Variants in MAST4 observed in about 807,000 individuals in gnomAD.
MAST4 encodes the protein microtubule associated serine/threonine kinase family member 4.
A neutral mutation model predicts 162.7 loss-of-function variants in MAST4; 89 were observed. The ratio of observed to expected loss-of-function variants is 0.55; its 90% CI spans 0.46 to 0.65. The LOEUF (loss-of-function observed/expected upper bound fraction) is 0.65. Among genes scored for constraint, MAST4 ranks in the 30% least tolerant of loss-of-function variants. MAST4 has a pLI of 0.00. For missense variants in MAST4, 3,153 were observed against 3,374.0 expected, an observed-to-expected ratio of 0.93 and a Z score of 1.62; for synonymous variants, 1,479 against 1,361.1, an observed-to-expected ratio of 1.09 and a Z score of -1.91.
In MAST4 at chr5:66,711,680, C is replaced by G. The variant is rs141959749; in HGVS notation, c.364-48029C>G. 1.2e-3 allele frequency among the ~76,000 whole-genome samples: 188 copies of G among 152,208 alleles called. 1 individual carries two copies. The highest frequency in any genetic ancestry group is 4.4e-3 in the African/African-American group (184 of 41,536). The stretch of plus-strand genomic sequence containing the variant: ...TGAAACCCCATCTCCACTAAAAATA[C>G]AAGAATTAGCTGGGCATGGTGGTGG... On this transcript the variant is annotated intron_variant, in intron 1 of 28. Coordinates refer to ENST00000403625, the MANE Select transcript of MAST4 (RefSeq NM_001164664.2).
At position 66,596,936 on chromosome 5, in the gene MAST4, C is replaced by CGTT. The variant is rs1554033495; in HGVS notation, c.282_283insTTG (p.Leu95dup). 295 of 1,351,038 alleles carry CGTT rather than the reference C, an allele frequency of 2.2e-4. No homozygotes were observed. Among genetic ancestry groups the CGTT allele is most frequent in the Non-Finnish European group, 2.7e-4 (281 of 1,048,452 alleles). The allele number at this position is 1,351,038 out of a possible 1,614,324, so 83.7% of individuals were successfully genotyped here. On this transcript the variant is annotated inframe_insertion, in exon 1 of 29. Coordinates refer to ENST00000403625, the MANE Select transcript of MAST4 (RefSeq NM_001164664.2). The stretch of plus-strand genomic sequence containing the variant: ...GTGCTGCTGGAGCGCGGAGTCCTTG[C>CGTT]GCTGCCGCCGCCGCTTCCCGGAGGA...
chr5:66,770,786 C>G (rs899165417), intron 2 of MAST4, among the ~76,000 whole-genome samples: 1 of 152,182 alleles, frequency 6.6e-6, no homozygotes, highest in Non-Finnish European at 1.5e-5. Flanking sequence ...ATTGGCACTT[C>G]AGAAATCAGT....
chr5:66,696,564 C>A (rs1435909707), intron 1 of MAST4, among the ~76,000 whole-genome samples: 1 of 152,118 alleles, frequency 6.6e-6, no homozygotes, highest in African/African-American at 2.4e-5. Context: ...TCTGACCGCT[C>A]TGGTGCTCGG....
intron 4 of MAST4, among the ~76,000 whole-genome samples, chr5:66,937,287 C>G (rs981626680): frequency 1.8e-4 from 28 of 152,154 alleles, no homozygotes; most frequent in African/African-American, 6.3e-4. Context: ...TCCCTCTCAC[C>G]AGAAGGACTA....
At chr5:66,919,616 G>A (rs751583638) in intron 4 of MAST4, among the ~76,000 whole-genome samples, 3 of 141,880 alleles carry the variant, frequency 2.1e-5, no homozygotes, top group Non-Finnish European at 4.5e-5. Context: ...AGCTGAGATC[G>A]TCACTGCACT....
intron 21 of MAST4, among the ~76,000 whole-genome samples, chr5:67,144,362 T>A (rs1770780183): frequency 6.6e-6 from 1 of 152,078 alleles, no homozygotes; most frequent in Non-Finnish European, 1.5e-5. Flanking sequence ...GCCTAGAAAC[T>A]CCACTGCATC....
At chr5:66,752,236 C>T (rs1045907568) in intron 1 of MAST4, among the ~76,000 whole-genome samples, 1 of 152,138 alleles carries the variant, frequency 6.6e-6, no homozygotes, top group Non-Finnish European at 1.5e-5. Flanking sequence ...ACTGCATCAA[C>T]TAATGAGCAA....
chr5:67,158,983 G>A (rs560550213), intron 26 of MAST4, among the ~76,000 whole-genome samples: 2 of 152,322 alleles, frequency 1.3e-5, no homozygotes, highest in South Asian at 2.1e-4. Flanking sequence ...GCAGTGAGCC[G>A]AGATCGTGCC....
At chr5:66,774,269 C>T (rs10447108) in intron 2 of MAST4, among the ~76,000 whole-genome samples, 41,473 of 152,172 alleles carry the variant, frequency 0.27, 6,303 homozygotes, top group Non-Finnish European at 0.35. Flanking sequence ...CTGTTTCTGT[C>T]TTGGTCTTGG....
chr5:66,910,364 A>C (rs761248789), intron 4 of MAST4, among the ~76,000 whole-genome samples: 8 of 152,136 alleles, frequency 5.3e-5, no homozygotes. Flanking sequence ...GCAGTCCCCA[A>C]ATATATTCAT....
At chr5:67,030,200 A>G (rs577316739) in intron 4 of MAST4, among the ~76,000 whole-genome samples, 73 of 152,284 alleles carry the variant, frequency 4.8e-4, no homozygotes, top group Middle Eastern at 6.8e-3. Context: ...TTTATTTAAC[A>G]AATCATTTCT....
intron 1 of MAST4, among the ~76,000 whole-genome samples, chr5:66,663,408 T>G (rs1232944150): frequency 1.3e-5 from 2 of 152,128 alleles, no homozygotes; most frequent in African/African-American, 2.4e-5. Context: ...ATTTAAAAAA[T>G]CGATGTCAAA....
intron 3 of MAST4, among the ~76,000 whole-genome samples, chr5:66,791,829 G>A (rs1755424022): frequency 6.6e-6 from 1 of 152,034 alleles, no homozygotes. Context: ...AAAACTATTT[G>A]CCCCTCACCT....
chr5:67,164,613 G>A lies in MAST4; in HGVS notation c.5434G>A (p.Gly1812Arg), dbSNP rs768151485. ...EGTLDIALLSGPQASKTELPS... is the reference protein window; with the variant it reads ...EGTLDIALLSRPQASKTELPS... ...CACTCTGGACATTGCTCTCCTGTCC[G>A]GACCTCAGGCCTCCAAGACAGAACT... Residue 1812 changes from glycine to arginine, a missense_variant, in exon 29 of 29, where the codon GGA (glycine) becomes AGA (arginine). By Grantham distance (125) the Gly-to-Arg change is moderately radical. Coordinates refer to ENST00000403625, the MANE Select transcript of MAST4 (RefSeq NM_001164664.2). This position sits in a 1 kb window ranked among gnomAD's most constrained non-coding sequence, Gnocchi z 5.3. The A allele has an allele frequency of 6.8e-6, 11 of 1,613,966 alleles. No individual in the cohort carries two copies. Among genetic ancestry groups the A allele is most frequent in the East Asian group, 2.2e-5 (1 of 44,874 alleles).
intron 1 of MAST4, among the ~76,000 whole-genome samples, chr5:66,604,799 A>G (rs1450195567): frequency 6.6e-6 from 1 of 152,230 alleles, no homozygotes; most frequent in Non-Finnish European, 1.5e-5. Flanking sequence ...CTCCATACAG[A>G]GATAGATGTA....
intron 4 of MAST4, among the ~76,000 whole-genome samples, chr5:66,957,446 G>T (rs910450039): frequency 1.3e-5 from 2 of 152,010 alleles, no homozygotes; most frequent in Admixed American, 6.6e-5. Context: ...GAGTAGCTGG[G>T]ATCCATTATA....
intron 1 of MAST4, among the ~76,000 whole-genome samples, chr5:66,639,531 T>TATCAAATG (rs1745346864): frequency 6.6e-6 from 1 of 152,174 alleles, no homozygotes; most frequent in African/African-American, 2.4e-5. Flanking sequence ...GGTGAAACTG[T>TATCAAATG]ATCAAATGAC....
At chr5:66,876,385 G>C (rs771489205) in intron 3 of MAST4, among the ~76,000 whole-genome samples, 3 of 152,154 alleles carry the variant, frequency 2.0e-5, no homozygotes, top group Non-Finnish European at 4.4e-5. Context: ...GTGAATGCAT[G>C]CAGTAGTCAT....
chr5:66,834,078 C>T (rs188434886), intron 3 of MAST4, among the ~76,000 whole-genome samples: 135 of 152,282 alleles, frequency 8.9e-4, no homozygotes, highest in African/African-American at 3.1e-3. Context: ...CTAAGACTTG[C>T]ACAGCAATTT....
Sources: gnomAD v4.1 joint callset for allele counts (sites outside exome capture counted in the v4.1 genomes callset) on GRCh38, gnomAD v4.1.1 for gene constraint, Gnocchi (gnomAD v3.1) non-coding constraint, MANE v1.5 for transcripts, NCBI Gene and HGNC (gene_info 2026-07-23, HGNC 2026-07-21) for gene names.